The following STK24 variants were observed in gnomAD, a reference collection of about 807,000 sequenced individuals.
STK24 encodes serine/threonine kinase 24.
STK24 carries 21 observed loss-of-function variants against 55.6 expected under a neutral mutation model. That is an observed-to-expected ratio of 0.38 (90% CI 0.27 to 0.54). The LOEUF (loss-of-function observed/expected upper bound fraction) is 0.54. Among genes scored for constraint, STK24 ranks in the 20% least tolerant of loss-of-function variants. STK24 has a pLI of 0.79. For missense variants in STK24, 383 were observed against 538.4 expected (o/e 0.71, Z 2.86); for synonymous variants, 200 against 215.2 (o/e 0.93, Z 0.62).
intron 2 of STK24, among the ~76,000 whole-genome samples, chr13:98,494,140 G>T (rs1406914104): frequency 3.4e-4 from 49 of 145,234 alleles, no homozygotes; most frequent in African/African-American, 1.2e-3. Flanking sequence ...GGCCGGGCAC[G>T]GTGGCTCAAG....
chr13:98,571,411 A>G (rs1291786578), intron 1 of STK24, among the ~76,000 whole-genome samples: 1 of 152,180 alleles, frequency 6.6e-6, no homozygotes, highest in East Asian at 1.9e-4. Flanking sequence ...ACAGTTAGCA[A>G]GCTAGAAAAT....
chr13:98,465,732 T>G (rs1392320307), intron 6 of STK24, among the ~76,000 whole-genome samples: 3 of 152,254 alleles, frequency 2.0e-5, no homozygotes, highest in Non-Finnish European at 2.9e-5. Flanking sequence ...CAGCTAACTC[T>G]GCTGGAAAAC....
intron 1 of STK24, among the ~76,000 whole-genome samples, chr13:98,519,952 C>A (rs1428345615): frequency 6.6e-6 from 1 of 152,138 alleles, no homozygotes; most frequent in Admixed American, 6.5e-5. Flanking sequence ...TATACCGTAA[C>A]TATGCATCTT....
Position 98,450,878 on chromosome 13 carries a change from G to C in STK24, c.*2295C>G, listed in dbSNP as rs1287199764. On this transcript the variant is annotated 3_prime_UTR_variant, in exon 11 of 11. Transcript: ENST00000539966. ...TTGGGGCTGATTTTGTGCGTCTACA[G>C]AAAGTAACAGCCCAGGAGAGAATGT... 6.6e-6 allele frequency: 1 copy of C among 152,206 alleles called. No homozygotes were observed. The highest frequency in any genetic ancestry group is 2.4e-5 in the African/African-American group (1 of 41,442). 9.4% of individuals were successfully genotyped at this position (152,206 alleles called of 1,614,324 possible).
intron 1 of STK24, among the ~76,000 whole-genome samples, chr13:98,536,969 G>A (rs1236060656): frequency 6.6e-6 from 1 of 152,154 alleles, no homozygotes; most frequent in Non-Finnish European, 1.5e-5. Flanking sequence ...GACACTGGCC[G>A]GAGCCCGCCC....
chr13:98,473,490 G>T (rs979519392), intron 5 of STK24, among the ~76,000 whole-genome samples: 1 of 151,922 alleles, frequency 6.6e-6, no homozygotes, highest in African/African-American at 2.4e-5. Context: ...GACTAAACAT[G>T]TAAGTTCCTG....
intron 1 of STK24, among the ~76,000 whole-genome samples, chr13:98,558,507 A>G (rs1897332792): frequency 6.6e-6 from 1 of 152,184 alleles, no homozygotes; most frequent in East Asian, 1.9e-4. Flanking sequence ...CCCAAAGACC[A>G]ACCTAAACTA....
chr13:98,460,462 G>A, intron 8 of STK24, 22 bp from the exon 9 acceptor site: 4 of 1,602,502 alleles, frequency 2.5e-6, no homozygotes, highest in Non-Finnish European at 2.6e-6. Context: ...GGGAAAAAAA[G>A]GTCATCAGAA....
intron 1 of STK24, among the ~76,000 whole-genome samples, chr13:98,575,083 C>T (rs761205260): frequency 1.3e-4 from 19 of 151,980 alleles, no homozygotes; most frequent in Non-Finnish European, 2.2e-4. Flanking sequence ...TTTTTTAAAT[C>T]ATTACAAGAG....
chr13:98,447,200 T>C lies in STK24; in HGVS notation c.*5973A>G. The C allele has an allele frequency of 6.1e-6, 1 of 163,294 alleles. No individual in the cohort carries two copies. Among genetic ancestry groups the C allele is most frequent in the Non-Finnish European group, 1.3e-5 (1 of 75,304 alleles). The allele number at this position is 163,294 out of a possible 1,614,324, so 10.1% of individuals were successfully genotyped here. On this transcript the variant is annotated 3_prime_UTR_variant, in exon 11 of 11. Coordinates refer to ENST00000539966, the MANE Select transcript of STK24 (RefSeq NM_001032296.4). Reference sequence around the variant, plus strand: ...GTCAGGCCTAAGACTGTTCCTGCAATTCATATTTTGAATAGAGATCCTGGG... The same window carrying C: ...GTCAGGCCTAAGACTGTTCCTGCAACTCATATTTTGAATAGAGATCCTGGG...
At position 98,453,023 on chromosome 13, in the gene STK24, GTGTGTCCCTGGACGGGCGCC is replaced by G; in HGVS notation, c.*130_*149del. 1 of 750,726 alleles carries G rather than the reference GTGTGTCCCTGGACGGGCGCC, an allele frequency of 1.3e-6. No individual in the cohort carries two copies. Among genetic ancestry groups the G allele is most frequent in the Non-Finnish European group, 2.2e-6 (1 of 458,066 alleles). The allele number at this position is 750,726 out of a possible 1,614,324, so 46.5% of individuals were successfully genotyped here. A position where few individuals can be genotyped will look rare whatever the true frequency, so the allele number is the denominator to read the frequency against. The stretch of plus-strand genomic sequence containing the variant: ...CTGGCTGCAGCACAGTGAAGACTGT[GTGTGTCCCTGGACGGGCGCC>G]TGGCGCTGGGGTGGCTCCCAGTGGC... On this transcript the variant is annotated 3_prime_UTR_variant, in exon 11 of 11. Transcript: ENST00000539966.
intron 2 of STK24, among the ~76,000 whole-genome samples, chr13:98,501,763 C>T (rs907748466): frequency 2.5e-4 from 38 of 152,244 alleles, no homozygotes; most frequent in Admixed American, 4.6e-4. Flanking sequence ...ATCATCTCTA[C>T]GGTGAGATAA....
At chr13:98,569,268 T>C (rs1421471254) in intron 1 of STK24, among the ~76,000 whole-genome samples, 1 of 152,094 alleles carries the variant, frequency 6.6e-6, no homozygotes, top group Non-Finnish European at 1.5e-5. Flanking sequence ...CCTGCAATTT[T>C]ACACCATGCT....
At chr13:98,556,027 G>T (rs1159436042) in intron 1 of STK24, among the ~76,000 whole-genome samples, 5 of 152,104 alleles carry the variant, frequency 3.3e-5, no homozygotes, top group Admixed American at 3.3e-4. Flanking sequence ...TCTAGATAAG[G>T]TCTTTTATCA....
At chr13:98,545,590 C>T (rs148362839) in intron 1 of STK24, among the ~76,000 whole-genome samples, 26 of 146,798 alleles carry the variant, frequency 1.8e-4, no homozygotes, top group Admixed American at 4.1e-4. Flanking sequence ...GCCGAGATTA[C>T]GCCACTGCAC....
intron 6 of STK24, among the ~76,000 whole-genome samples, chr13:98,464,065 A>G (rs1215212750): frequency 6.6e-6 from 1 of 152,156 alleles, no homozygotes; most frequent in Admixed American, 6.5e-5. Flanking sequence ...GGATGTCCCT[A>G]ATAAATACAT....
At chr13:98,533,593 T>C (rs1252400318) in intron 1 of STK24, among the ~76,000 whole-genome samples, 2 of 151,946 alleles carry the variant, frequency 1.3e-5, no homozygotes, top group Non-Finnish European at 2.9e-5. Context: ...GAGGCTGCAA[T>C]GAGTTATGAT....
At chr13:98,504,399 C>T (rs1217021809) in intron 2 of STK24, among the ~76,000 whole-genome samples, 2 of 152,210 alleles carry the variant, frequency 1.3e-5, no homozygotes, top group African/African-American at 2.4e-5. Context: ...CATGCCTCTT[C>T]CCTGGGTCAG....
At chr13:98,485,309 T>C (rs185034568) in intron 2 of STK24, among the ~76,000 whole-genome samples, 3 of 152,350 alleles carry the variant, frequency 2.0e-5, no homozygotes, top group Admixed American at 2.0e-4. Context: ...GGGAAGCCAG[T>C]GAGCCAGAAG....
Sources: allele counts gnomAD v4.1 joint callset (sites outside exome capture counted in the v4.1 genomes callset), GRCh38; gene constraint gnomAD v4.1.1; transcripts MANE v1.5; gene names NCBI Gene and HGNC (gene_info 2026-07-23, HGNC 2026-07-21).